The following NAALADL2 variants were observed in gnomAD, a reference collection of about 807,000 sequenced individuals.
NAALADL2 encodes the protein N-acetylated alpha-linked acidic dipeptidase like 2.
NAALADL2 carries 76 observed loss-of-function variants against 87.2 expected under a neutral mutation model. That is an observed-to-expected ratio of 0.87 (90% CI 0.72 to 1.05). NAALADL2 has a LOEUF of 1.05. Among genes scored for constraint, NAALADL2 ranks in the 50% least tolerant of loss-of-function variants. The pLI is 0.00. For missense variants in NAALADL2, 1,089 were observed against 945.8 expected (o/e 1.15, Z -1.99); for synonymous variants, 354 against 331.0 (o/e 1.07, Z -0.75).
chr3:175,321,287 C>G (rs1425268357), intron 4 of NAALADL2, among the ~76,000 whole-genome samples: 3 of 129,770 alleles, frequency 2.3e-5, no homozygotes, highest in African/African-American at 6.0e-5. Flanking sequence ...AATTCAACAA[C>G]CCTTCATGCT....
intron 1 of NAALADL2, among the ~76,000 whole-genome samples, chr3:174,943,623 G>T (rs998305392): frequency 2.0e-5 from 3 of 152,284 alleles, no homozygotes; most frequent in Non-Finnish European, 4.4e-5. Flanking sequence ...CTTGTCTTCT[G>T]GGGGCTCCAC....
chr3:174,509,568 ATTTTTTTTTTTTTTTTTTT>A (rs145219498), intron 1 of NAALADL2, among the ~76,000 whole-genome samples: 3 of 80,096 alleles, frequency 3.7e-5, no homozygotes, highest in African/African-American at 1.4e-4. Flanking sequence ...CACCCAGCTA[ATTTTTTTTTTTTTTTTTTT>A]TTTTTTTTTT....
chr3:175,725,818 ATTAAT>A (rs1161522762), intron 11 of NAALADL2, among the ~76,000 whole-genome samples: 5 of 152,184 alleles, frequency 3.3e-5, no homozygotes, highest in African/African-American at 1.2e-4. Flanking sequence ...GATTCAATGA[ATTAAT>A]TTATATAAAG....
At chr3:174,857,807 C>T (rs1184633196), upstream of NAALADL2, among the ~76,000 whole-genome samples, 1 of 151,982 alleles carries the variant, frequency 6.6e-6, no homozygotes, top group African/African-American at 2.4e-5. Context: ...GGTCCAGCTC[C>T]CTCATAGAAG....
chr3:175,258,110 C>T lies in NAALADL2; in HGVS notation c.939+1580C>T, dbSNP rs537408515. Among the ~76,000 whole-genome samples, 22 of 152,096 alleles carry T rather than the reference C, an allele frequency of 1.4e-4. No individual in the cohort carries two copies. The South Asian group carries it at 2.5e-3, about 17-fold the overall frequency. On this transcript the variant is annotated intron_variant, in intron 4 of 13. Coordinates refer to ENST00000454872, the MANE Select transcript of NAALADL2 (RefSeq NM_207015.3). ...GAGCACGAGGTCAGGAGATTGAGAC[C>T]ATCTTGGCCAACATGGTGAAACCCT...
At chr3:174,736,396 T>C (rs1733202146) in intron 2 of NAALADL2, among the ~76,000 whole-genome samples, 3 of 152,060 alleles carry the variant, frequency 2.0e-5, no homozygotes, top group African/African-American at 7.2e-5. Context: ...AGCAGCAGAA[T>C]AGCTCAGAGA....
chr3:175,212,800 A>G (rs1741952545), intron 2 of NAALADL2, among the ~76,000 whole-genome samples: 1 of 152,174 alleles, frequency 6.6e-6, no homozygotes, highest in Admixed American at 6.6e-5. Flanking sequence ...AAGAAATAAC[A>G]AAAGAGTTGC....
intron 5 of NAALADL2, among the ~76,000 whole-genome samples, chr3:175,344,492 A>G (rs1046889718): frequency 7.9e-5 from 12 of 151,442 alleles, no homozygotes; most frequent in African/African-American, 2.9e-4. Context: ...CCTTCTGCCA[A>G]CCTCTTTCCC....
chr3:175,436,055 G>A (rs913680502), intron 5 of NAALADL2, among the ~76,000 whole-genome samples: 2 of 133,770 alleles, frequency 1.5e-5, no homozygotes, highest in Admixed American at 8.3e-5. Flanking sequence ...CTGTGTCCAT[G>A]TGATCTCATT....
intron 3 of NAALADL2, among the ~76,000 whole-genome samples, chr3:174,786,456 A>T (rs1163574340): frequency 7.3e-6 from 1 of 137,866 alleles, no homozygotes; most frequent in South Asian, 2.2e-4. Context: ...TCTCAAAAAA[A>T]AAAAAAAAAA....
intron 1 of NAALADL2, among the ~76,000 whole-genome samples, chr3:174,487,496 G>C (rs1717926654): frequency 6.6e-6 from 1 of 151,942 alleles, no homozygotes; most frequent in Admixed American, 6.6e-5. Flanking sequence ...AGAATACTTT[G>C]ATGTCACGTG....
At chr3:175,271,859 A>G (rs1752891990) in intron 4 of NAALADL2, among the ~76,000 whole-genome samples, 1 of 152,224 alleles carries the variant, frequency 6.6e-6, no homozygotes, top group South Asian at 2.1e-4. Flanking sequence ...AAGATTACCC[A>G]TAAATAATCT....
At chr3:174,996,785 C>T (rs1747524131) in intron 1 of NAALADL2, among the ~76,000 whole-genome samples, 1 of 151,938 alleles carries the variant, frequency 6.6e-6, no homozygotes, top group Non-Finnish European at 1.5e-5. Flanking sequence ...TCCCTCAACC[C>T]CCTCCTAACT....
intron 5 of NAALADL2, among the ~76,000 whole-genome samples, chr3:175,356,465 C>G (rs2148893295): frequency 6.6e-6 from 1 of 151,510 alleles, no homozygotes; most frequent in Admixed American, 6.6e-5. Flanking sequence ...GTCCCAGCTA[C>G]TTGAGAGGTT....
chr3:175,389,830 A>G (rs1768861440), intron 5 of NAALADL2, among the ~76,000 whole-genome samples: 1 of 152,172 alleles, frequency 6.6e-6, no homozygotes, highest in Non-Finnish European at 1.5e-5. Context: ...CAGTGGCTCC[A>G]GGGGAGAGAA....
At chr3:174,494,513 T>C (rs992191824) in intron 1 of NAALADL2, among the ~76,000 whole-genome samples, 2 of 151,266 alleles carry the variant, frequency 1.3e-5, no homozygotes, top group South Asian at 2.1e-4. Context: ...TTAGGAGATA[T>C]AAGTAATGTA....
intron 4 of NAALADL2, among the ~76,000 whole-genome samples, chr3:175,273,865 A>C (rs1753206111): frequency 6.6e-6 from 1 of 152,136 alleles, no homozygotes; most frequent in Admixed American, 6.6e-5. Context: ...CTTACAAAAG[A>C]ACATGCATTG....
In NAALADL2 at chr3:175,149,417, G is replaced by A. The variant is rs546583120; in HGVS notation, c.545+52126G>A. Among the ~76,000 whole-genome samples, 14 of 152,178 alleles carry A rather than the reference G, an allele frequency of 9.2e-5. No homozygotes were observed. The South Asian group carries it at 1.5e-3, about 16-fold the overall frequency. On this transcript the variant is annotated intron_variant, in intron 2 of 13. Transcript: ENST00000454872. ...CAAATTTTAGGAATTGCACCTAATC[G>A]TATTAAACAGTTTATTAAAACTCAC...
At chr3:174,968,492 T>G (rs1743170457) in intron 1 of NAALADL2, among the ~76,000 whole-genome samples, 1 of 151,946 alleles carries the variant, frequency 6.6e-6, no homozygotes, top group African/African-American at 2.4e-5. Flanking sequence ...CCACAGCCTG[T>G]TTTTCTAACT....
Sources: allele counts gnomAD v4.1 joint callset (sites outside exome capture counted in the v4.1 genomes callset), GRCh38; gene constraint gnomAD v4.1.1; transcripts MANE v1.5; gene names NCBI Gene and HGNC (gene_info 2026-07-23, HGNC 2026-07-21).